The following GC variants were observed in gnomAD, a reference collection of about 807,000 sequenced individuals.
GC encodes vitamin D-binding protein.
Under a neutral mutation model 56.7 loss-of-function variants are expected in GC, and 43 were observed. The ratio of observed to expected loss-of-function variants is 0.76; its 90% CI spans 0.59 to 0.98. The LOEUF is 0.98. Among genes scored for constraint, GC ranks in the 50% least tolerant of loss-of-function variants. The pLI is 0.00. For synonymous variants in GC, 216 were observed against 202.7 expected (o/e 1.07, Z -0.56); for missense variants, 529 against 545.9 (o/e 0.97, Z 0.31).
At chr4:71,801,303 C>T (rs1324696400) in intron 1 of GC, among the ~76,000 whole-genome samples, 1 of 152,214 alleles carries the variant, frequency 6.6e-6, no homozygotes, top group Non-Finnish European at 1.5e-5. Flanking sequence ...AGAATGACTA[C>T]AGTCTCAAAG....
intron 11 of GC, among the ~76,000 whole-genome samples, chr4:71,751,292 G>A (rs1254475391): frequency 3.3e-5 from 5 of 152,102 alleles, no homozygotes; most frequent in Non-Finnish European, 7.4e-5. Flanking sequence ...TCGAAGCATA[G>A]CTCAGGTCTA....
At chr4:71,750,076 A>G (rs541755863) in intron 11 of GC, among the ~76,000 whole-genome samples, 139 of 152,336 alleles carry the variant, frequency 9.1e-4, no homozygotes, top group African/African-American at 3.2e-3. Context: ...AAACTTTACT[A>G]AAATATGGAT....
chr4:71,790,938 C>T (rs570069365), intron 1 of GC, among the ~76,000 whole-genome samples: 1 of 151,874 alleles, frequency 6.6e-6, no homozygotes, highest in African/African-American at 2.4e-5. Flanking sequence ...CACAACAGTC[C>T]CCAGAGTGTG....
In GC at chr4:71,800,785, T is replaced by A. The variant is rs113459339; in HGVS notation, c.21+3141A>T. On this transcript the variant is annotated intron_variant, in intron 1 of 13. Coordinates refer to the GC transcript ENST00000504199. The stretch of plus-strand genomic sequence containing the variant: ...TAATGATTGCCATCCGACTGGCATG[T>A]GATGGTATCTCATTGTGATTTTGAT... Among the ~76,000 whole-genome samples the A allele has an allele frequency of 1.7e-4, 26 of 152,318 alleles. 2 individuals are homozygous for A. The highest frequency in any genetic ancestry group is 6.3e-4 in the African/African-American group (26 of 41,580).
chr4:71,776,496 G>C (rs1453980052), intron 1 of GC, among the ~76,000 whole-genome samples: 1 of 151,868 alleles, frequency 6.6e-6, no homozygotes, highest in Non-Finnish European at 1.5e-5. Context: ...AGAGGCTGCA[G>C]GGAGAAGAGG....
At chr4:71,764,699 G>A (rs57080827) in intron 4 of GC, among the ~76,000 whole-genome samples, 4,995 of 152,158 alleles carry the variant, frequency 0.033, 274 homozygotes, top group African/African-American at 0.11. Flanking sequence ...ATCTAAAAGG[G>A]ACTGAAATTC....
chr4:71,783,120 T>C (rs909803435), intron 1 of GC, among the ~76,000 whole-genome samples: 3 of 151,854 alleles, frequency 2.0e-5, no homozygotes, highest in African/African-American at 7.2e-5. Context: ...AACACATTAC[T>C]ATTATGAATA....
chr4:71,758,192 AT>A, intron 6 of GC, 21 bp from the exon 7 acceptor site: 1 of 1,599,662 alleles, frequency 6.3e-7, no homozygotes, highest in South Asian at 1.1e-5. Flanking sequence ...AAAAATAAAT[AT>A]GTTAGCTTAT....
Position 71,798,778 on chromosome 4 carries a change from G to A in GC, c.21+5148C>T, listed in dbSNP as rs192752262. On this transcript the variant is annotated intron_variant, in intron 1 of 13. Transcript: ENST00000504199. ...TTGGGTGTAAAAAAGCTCATAATGA[G>A]GTCTTTCCACTATAGATGGATGGGA... 6.5e-3 allele frequency among the ~76,000 whole-genome samples: 992 copies of A among 152,252 alleles called. 15 individuals carry two copies. Among genetic ancestry groups the A allele is most frequent in the African/African-American group, 0.023 (950 of 41,528 alleles).
intron 11 of GC, 44 bp from the exon 12 acceptor site, chr4:71,746,249 A>C (rs775811747): frequency 2.2e-6 from 2 of 909,422 alleles, no homozygotes; most frequent in African/African-American, 3.4e-5. Flanking sequence ...GAAGTATTTC[A>C]TTTGTAGGCT....
Position 71,758,145 on chromosome 4 carries a change from A to G in GC, c.728T>C (p.Val243Ala). 1 of 1,613,224 alleles carries G rather than the reference A, an allele frequency of 6.2e-7. No homozygotes were observed. Among genetic ancestry groups the G allele is most frequent in the Non-Finnish European group, 8.5e-7 (1 of 1,179,272 alleles). ...AACATCCTCCAGATCAGCAGTAGGC[A>G]CTTTTTGGGCTAACTTTATGAGATT... ...LSNLIKLAQK[V>A]PTADLEDVLP... Residue 243 changes from valine to alanine, a missense_variant, in exon 7 of 13, where the codon GTG (valine) becomes GCG (alanine). By Grantham distance (64) the Val-to-Ala change is moderately conservative. Transcript: ENST00000273951.
At chr4:71,757,587 G>A (rs1282746334) in intron 7 of GC, among the ~76,000 whole-genome samples, 1 of 119,412 alleles carries the variant, frequency 8.4e-6, no homozygotes, top group Non-Finnish European at 1.9e-5. Flanking sequence ...CCGCTTAATG[G>A]AACTTTACGC....
intron 1 of GC, among the ~76,000 whole-genome samples, chr4:71,798,038 G>A (rs896031445): frequency 3.9e-5 from 6 of 152,072 alleles, no homozygotes; most frequent in African/African-American, 1.2e-4. Flanking sequence ...TTCAACCTTT[G>A]TTGTCTCTGT....
At chr4:71,779,921 T>G (rs987984960) in intron 1 of GC, among the ~76,000 whole-genome samples, 4 of 151,870 alleles carry the variant, frequency 2.6e-5, no homozygotes, top group Admixed American at 2.6e-4. Flanking sequence ...AACTTTCTTC[T>G]TGCAGTTTTA....
chr4:71,784,923 A>G (rs1742797212), upstream of GC, among the ~76,000 whole-genome samples: 1 of 151,634 alleles, frequency 6.6e-6, no homozygotes, highest in Non-Finnish European at 1.5e-5. Flanking sequence ...GCACTGGGTA[A>G]ATTCTGTGAC....
At chr4:71,761,460 G>T (rs1263714027) in intron 6 of GC, among the ~76,000 whole-genome samples, 1 of 152,168 alleles carries the variant, frequency 6.6e-6, no homozygotes, top group Non-Finnish European at 1.5e-5. Context: ...CAATGTGAGA[G>T]AAAAGAAAAG....
chr4:71,790,748 CT>C (rs949660708), intron 1 of GC, among the ~76,000 whole-genome samples: 144 of 150,798 alleles, frequency 9.5e-4, no homozygotes, highest in Non-Finnish European at 1.6e-3. Context: ...TTTTCACTTT[CT>C]TTTTTTTAAT....
intron 6 of GC, among the ~76,000 whole-genome samples, chr4:71,758,765 T>A (rs188199989): frequency 6.6e-6 from 1 of 152,316 alleles, no homozygotes; most frequent in African/African-American, 2.4e-5. Flanking sequence ...AATATTATTT[T>A]AAAAAATTGT....
chr4:71,751,425 T>C, intron 11 of GC, among the ~76,000 whole-genome samples: 1 of 152,186 alleles, frequency 6.6e-6, no homozygotes, highest in East Asian at 1.9e-4. Context: ...AGAAAACCAA[T>C]AGGCCTCAGA....
Sources: allele counts gnomAD v4.1 joint callset (sites outside exome capture counted in the v4.1 genomes callset), GRCh38; gene constraint gnomAD v4.1.1; transcripts MANE v1.5; gene names NCBI Gene and HGNC (gene_info 2026-07-23, HGNC 2026-07-21).